The following TAFA4 variants were observed in gnomAD, a reference collection of about 807,000 sequenced individuals.
TAFA4 encodes the protein chemokine-like protein TAFA-4.
A neutral mutation model predicts 21.1 loss-of-function variants in TAFA4; 20 were observed. The ratio of observed to expected loss-of-function variants is 0.95; its 90% CI spans 0.67 to 1.38. The LOEUF is 1.38. Among genes scored for constraint, TAFA4 ranks in the 40% most tolerant of loss-of-function variants. The probability of loss-of-function intolerance (pLI) is 0.00; values close to 1 mark genes in which losing one functional copy is unlikely to be tolerated. For synonymous variants in TAFA4, 71 were observed against 67.4 expected (o/e 1.05, Z -0.26); for missense variants, 211 against 180.9 (o/e 1.17, Z -0.95).
chr3:68,825,535 G>C (rs569113487), intron 3 of TAFA4, among the ~76,000 whole-genome samples: 11 of 152,280 alleles, frequency 7.2e-5, no homozygotes, highest in Admixed American at 7.2e-4. Context: ...GCCTTCACTA[G>C]AGTGTGTGCA....
intron 1 of TAFA4, among the ~76,000 whole-genome samples, chr3:68,928,252 T>C (rs2090127752): frequency 6.6e-6 from 1 of 152,194 alleles, no homozygotes; most frequent in Non-Finnish European, 1.5e-5. Context: ...ACCAGAATGT[T>C]TCCATAACAT....
At chr3:68,876,037 T>A (rs1281876182) in intron 3 of TAFA4, among the ~76,000 whole-genome samples, 1 of 152,160 alleles carries the variant, frequency 6.6e-6, no homozygotes, top group Non-Finnish European at 1.5e-5. Context: ...AAATAACCCA[T>A]AATTCCAATC....
intron 1 of TAFA4, among the ~76,000 whole-genome samples, chr3:68,925,747 T>C (rs1273807106): frequency 1.3e-5 from 2 of 152,218 alleles, no homozygotes; most frequent in East Asian, 3.8e-4. Flanking sequence ...TTTGTCATCT[T>C]TCCTGGAATC....
chr3:68,899,335 A>G (rs890610994), intron 1 of TAFA4, among the ~76,000 whole-genome samples: 7 of 152,204 alleles, frequency 4.6e-5, no homozygotes, highest in African/African-American at 1.7e-4. Context: ...TGAAAATTAA[A>G]CATAAAATTC....
chr3:68,820,540 A>G (rs1257080457), intron 3 of TAFA4, among the ~76,000 whole-genome samples: 2 of 152,170 alleles, frequency 1.3e-5, no homozygotes, highest in Admixed American at 6.6e-5. Context: ...TTAGCTGGGC[A>G]TGATGGCATG....
chr3:68,808,115 T>C (rs1335554210), intron 3 of TAFA4, among the ~76,000 whole-genome samples: 3 of 152,076 alleles, frequency 2.0e-5, no homozygotes, highest in Admixed American at 6.6e-5. Context: ...TTTGATGAAG[T>C]TGAAAATCAC....
At chr3:68,775,773 C>G (rs150293956) in intron 3 of TAFA4, among the ~76,000 whole-genome samples, 1 of 152,308 alleles carries the variant, frequency 6.6e-6, no homozygotes, top group East Asian at 1.9e-4. Context: ...TCCAGCTTAA[C>G]TGCTGGCTAG....
intron 3 of TAFA4, among the ~76,000 whole-genome samples, chr3:68,775,419 G>A (rs1703031447): frequency 6.6e-6 from 1 of 152,070 alleles, no homozygotes; most frequent in Non-Finnish European, 1.5e-5. Context: ...CACATACAAG[G>A]GAAAATTCAG....
intron 3 of TAFA4, among the ~76,000 whole-genome samples, chr3:68,797,438 C>A (rs145782337): frequency 0.085 from 12,951 of 151,706 alleles, 667 homozygotes; most frequent in African/African-American, 0.14. Context: ...ACGTTGAAAC[C>A]CTGTCTCAAC....
intron 2 of TAFA4, among the ~76,000 whole-genome samples, chr3:68,883,467 G>C (rs903811676): frequency 6.6e-6 from 1 of 152,174 alleles, no homozygotes; most frequent in African/African-American, 2.4e-5. Context: ...AAAAACACCT[G>C]TGAAATCCCT....
intron 3 of TAFA4, among the ~76,000 whole-genome samples, chr3:68,803,609 C>A (rs1405633658): frequency 6.6e-6 from 1 of 151,766 alleles, no homozygotes; most frequent in Non-Finnish European, 1.5e-5. Flanking sequence ...CGTTCTCTAA[C>A]CCAGTTTAAC....
At chr3:68,751,331 G>C (rs1024715393) in intron 4 of TAFA4, among the ~76,000 whole-genome samples, 1 of 151,248 alleles carries the variant, frequency 6.6e-6, no homozygotes, top group African/African-American at 2.4e-5. Flanking sequence ...GATCATTCTG[G>C]GTAGAGGACT....
chr3:68,927,548 A>G (rs2090120067), intron 1 of TAFA4, among the ~76,000 whole-genome samples: 1 of 152,206 alleles, frequency 6.6e-6, no homozygotes, highest in Non-Finnish European at 1.5e-5. Context: ...GTTTGTGTGT[A>G]CTGCCATATT....
intron 3 of TAFA4, among the ~76,000 whole-genome samples, chr3:68,808,060 A>G (rs976363647): frequency 7.2e-5 from 11 of 152,208 alleles, no homozygotes; most frequent in African/African-American, 2.4e-4. Flanking sequence ...ACAGAACAGT[A>G]AAGGAAGTGC....
chr3:68,756,900 A>AAAAGT lies in TAFA4; in HGVS notation c.131-3887_131-3883dup, dbSNP rs531150583. ...TGAAACTTTAGCACTGAGTGAGCAG[A>AAAAGT]AAAGTAAGGGCTGGGAAAGGTTGGA... On this transcript the variant is annotated intron_variant, in intron 3 of 5. Transcript: ENST00000295569. 5.2e-4 allele frequency among the ~76,000 whole-genome samples: 79 copies of AAAAGT among 152,364 alleles called. No individual in the cohort carries two copies. The Middle Eastern group carries it at 0.017, about 33-fold the overall frequency.
chr3:68,885,797 A>G (rs2089666877), intron 1 of TAFA4, among the ~76,000 whole-genome samples: 1 of 152,204 alleles, frequency 6.6e-6, no homozygotes, highest in African/African-American at 2.4e-5. Flanking sequence ...TTGCTTTTTG[A>G]AAAAATATTA....
chr3:68,815,632 T>A (rs1036847563), intron 3 of TAFA4, among the ~76,000 whole-genome samples: 5 of 152,160 alleles, frequency 3.3e-5, no homozygotes, highest in Non-Finnish European at 7.3e-5. Flanking sequence ...TCACACCAGT[T>A]AGAATGGCAA....
Position 68,767,655 on chromosome 3 carries a change from A to C in TAFA4, c.131-14637T>G, listed in dbSNP as rs192404938. Among the ~76,000 whole-genome samples, 5 of 152,110 alleles carry C rather than the reference A, an allele frequency of 3.3e-5. No homozygotes were observed. In the East Asian group the frequency reaches 9.6e-4, roughly 29 times the overall value. ...TGGGACACAGAAAGATGAGGGAGTT[A>C]ATTTTTCAAATATATACCAGCATAA... On this transcript the variant is annotated intron_variant, in intron 3 of 5. Coordinates refer to ENST00000295569, the MANE Select transcript of TAFA4 (RefSeq NM_182522.5).
intron 3 of TAFA4, among the ~76,000 whole-genome samples, chr3:68,865,959 T>A (rs2106929583): frequency 6.6e-6 from 1 of 152,228 alleles, no homozygotes; most frequent in East Asian, 1.9e-4. Flanking sequence ...AGATTTATGA[T>A]TTCTACACTG....
Sources: gnomAD v4.1 joint callset for allele counts (sites outside exome capture counted in the v4.1 genomes callset) on GRCh38, gnomAD v4.1.1 for gene constraint, MANE v1.5 for transcripts, NCBI Gene and HGNC (gene_info 2026-07-23, HGNC 2026-07-21) for gene names.